MATN2: variants seen among roughly 807,000 people sequenced by gnomAD.
MATN2 encodes matrilin-2.
A neutral mutation model predicts 103.2 loss-of-function variants in MATN2; 69 were observed. That is an observed-to-expected ratio of 0.67 (90% CI 0.55 to 0.82). The LOEUF (loss-of-function observed/expected upper bound fraction) is 0.82. MATN2 is among the 40% of genes least tolerant of loss of function. The probability of loss-of-function intolerance (pLI) is 0.00; values close to 1 mark genes in which losing one functional copy is unlikely to be tolerated. For synonymous variants in MATN2, 429 were observed against 450.2 expected (o/e 0.95, Z 0.60); for missense variants, 1,023 against 1,211.5 (o/e 0.84, Z 2.31).
intron 1 of MATN2, among the ~76,000 whole-genome samples, chr8:97,872,798 C>T (rs1391098372): frequency 1.3e-5 from 2 of 148,642 alleles, no homozygotes; most frequent in Admixed American, 6.6e-5. Flanking sequence ...CAAAGTCCCC[C>T]CGTTTTTTTT....
At chr8:97,874,515 C>T (rs1226571125) in intron 1 of MATN2, among the ~76,000 whole-genome samples, 1 of 151,818 alleles carries the variant, frequency 6.6e-6, no homozygotes, top group East Asian at 1.9e-4. Flanking sequence ...AAGTGACCCT[C>T]TTATTTAGGC....
At chr8:97,908,787 G>A (rs748310355) in intron 2 of MATN2, among the ~76,000 whole-genome samples, 18 of 152,016 alleles carry the variant, frequency 1.2e-4, no homozygotes, top group Non-Finnish European at 2.2e-4. Flanking sequence ...GCGCCACCGT[G>A]CCTGGCTAAT....
chr8:97,925,142 A>G (rs1037381834), intron 2 of MATN2, among the ~76,000 whole-genome samples: 1 of 152,202 alleles, frequency 6.6e-6, no homozygotes, highest in Non-Finnish European at 1.5e-5. Context: ...ATGTACAGAA[A>G]TCAAAAGTGA....
chr8:97,989,240 CG>C (rs773763566), intron 6 of MATN2, among the ~76,000 whole-genome samples: 5 of 152,102 alleles, frequency 3.3e-5, no homozygotes, highest in Non-Finnish European at 7.4e-5. Context: ...GAGGCCGAGG[CG>C]GGCGGATCAT....
chr8:97,911,484 G>A (rs939694489), intron 2 of MATN2, among the ~76,000 whole-genome samples: 8 of 151,958 alleles, frequency 5.3e-5, no homozygotes, highest in Admixed American at 3.9e-4. Context: ...CAAGGCAGGC[G>A]GATCACGAGG....
intron 1 of MATN2, among the ~76,000 whole-genome samples, chr8:97,876,949 A>G (rs1204779941): frequency 1.3e-5 from 2 of 151,014 alleles, no homozygotes; most frequent in African/African-American, 4.9e-5. Context: ...ATATGGCCAC[A>G]CCACAGTTTT....
At chr8:98,017,357 A>G (rs1813399575) in intron 11 of MATN2, among the ~76,000 whole-genome samples, 1 of 152,274 alleles carries the variant, frequency 6.6e-6, no homozygotes, top group Non-Finnish European at 1.5e-5. Flanking sequence ...GCAGCCAGCC[A>G]GCCCAGGACA....
At position 98,033,589 on chromosome 8, in the gene MATN2, A is replaced by T. The variant is rs774174176; in HGVS notation, c.2745A>T (p.Gln915His). Residue 915 changes from glutamine (Q) to histidine (H), a missense_variant, in exon 18 of 19, where the codon CAA (glutamine) becomes CAT (histidine). Physicochemically the swap from Gln to His is conservative, Grantham distance 24. Coordinates refer to ENST00000254898, the MANE Select transcript of MATN2 (RefSeq NM_002380.5). ...GCCCTTTGGAAGAAAAACACGATCAATGCAAATGTGAAAACCTTATAATGT... is the reference window on the plus strand; with the variant it reads ...GCCCTTTGGAAGAAAAACACGATCATTGCAAATGTGAAAACCTTATAATGT... ...SGSPLEEKHDQCKCENLIMFQ... is the reference protein window; with the variant it reads ...SGSPLEEKHDHCKCENLIMFQ... The T allele has an allele frequency of 1.2e-6, 2 of 1,604,224 alleles. No homozygotes were observed. Among genetic ancestry groups the T allele is most frequent in the South Asian group, 2.3e-5 (2 of 88,394 alleles).
chr8:97,939,492 A>G (rs1810482648), intron 3 of MATN2, among the ~76,000 whole-genome samples: 1 of 152,180 alleles, frequency 6.6e-6, no homozygotes, highest in Non-Finnish European at 1.5e-5. Flanking sequence ...CTCAGCTGAG[A>G]ACATCTGCAC....
chr8:97,885,028 A>G (rs1280097131), intron 1 of MATN2, among the ~76,000 whole-genome samples: 1 of 152,220 alleles, frequency 6.6e-6, no homozygotes, highest in Non-Finnish European at 1.5e-5. Context: ...CTCTTCACCT[A>G]TCCTCAGTGC....
At chr8:97,919,357 C>A (rs577186078) in intron 2 of MATN2, among the ~76,000 whole-genome samples, 1 of 152,182 alleles carries the variant, frequency 6.6e-6, no homozygotes, top group African/African-American at 2.4e-5. Flanking sequence ...CTCAGCCTCC[C>A]GAGTAGCTGG....
intron 2 of MATN2, among the ~76,000 whole-genome samples, chr8:97,920,717 T>C (rs957323055): frequency 4.6e-5 from 7 of 152,164 alleles, no homozygotes; most frequent in Non-Finnish European, 8.8e-5. Flanking sequence ...CCAGCTACTC[T>C]GGAGGCTAAC....
chr8:98,027,908 T>C, intron 14 of MATN2, 79 bp downstream of exon 14: 1 of 1,435,084 alleles, frequency 7.0e-7, no homozygotes, highest in Non-Finnish European at 9.3e-7. Context: ...CAGCTGGCCA[T>C]AAGGGTAAGC....
chr8:98,023,736 C>T (rs1813685705), intron 13 of MATN2, among the ~76,000 whole-genome samples: 1 of 151,992 alleles, frequency 6.6e-6, no homozygotes, highest in Admixed American at 6.6e-5. Context: ...ACACTAAGTG[C>T]TCAAAAAATG....
At chr8:97,875,329 C>T (rs960217097) in intron 1 of MATN2, among the ~76,000 whole-genome samples, 1 of 152,164 alleles carries the variant, frequency 6.6e-6, no homozygotes, top group Non-Finnish European at 1.5e-5. Context: ...AAATTTCTCC[C>T]GCAGCTCTCA....
At chr8:98,011,442 G>C (rs150311163) in intron 10 of MATN2, among the ~76,000 whole-genome samples, 27 of 152,302 alleles carry the variant, frequency 1.8e-4, no homozygotes, top group Admixed American at 2.6e-4. Flanking sequence ...ACACATGGAG[G>C]AAAGTGATGC....
At chr8:97,935,584 C>G (rs556154473) in intron 3 of MATN2, among the ~76,000 whole-genome samples, 7 of 152,264 alleles carry the variant, frequency 4.6e-5, no homozygotes, top group Non-Finnish European at 7.4e-5. Context: ...GTGGCATGAT[C>G]ATAGCTCACT....
At chr8:97,948,492 A>G (rs1204429401) in intron 4 of MATN2, among the ~76,000 whole-genome samples, 4 of 152,264 alleles carry the variant, frequency 2.6e-5, no homozygotes, top group African/African-American at 9.6e-5. Flanking sequence ...ATTGGTATAA[A>G]GATGAACATA....
rs151006550 is a variant in MATN2, at chr8:98,022,049, A to C, written c.1942+722A>C. Among the ~76,000 whole-genome samples the C allele has an allele frequency of 3.6e-3, 541 of 152,346 alleles. 4 individuals are homozygous for C. The highest frequency in any genetic ancestry group is 0.012 in the African/African-American group (506 of 41,576). On this transcript the variant is annotated intron_variant, in intron 13 of 18. Transcript: ENST00000254898. The stretch of plus-strand genomic sequence containing the variant: ...GCATGTTTACAAAGCCATGTATACA[A>C]GGATATTTTATACAGCACTATTTGT...
Sources: gnomAD v4.1 joint callset for allele counts (sites outside exome capture counted in the v4.1 genomes callset) on GRCh38, gnomAD v4.1.1 for gene constraint, MANE v1.5 for transcripts, NCBI Gene and HGNC (gene_info 2026-07-23, HGNC 2026-07-21) for gene names.